Variants in RTTN observed in about 807,000 individuals in gnomAD.
RTTN encodes the protein rotatin.
A neutral mutation model predicts 269.2 loss-of-function variants in RTTN; 182 were observed. The observed-to-expected ratio is 0.68, with a 90% CI of 0.60 to 0.76. RTTN has a LOEUF of 0.76. Ranked by LOEUF, RTTN falls within the 30% of genes least tolerant of loss-of-function variation. RTTN has a pLI of 0.00. For synonymous variants in RTTN, 1,006 were observed against 963.5 expected, an observed-to-expected ratio of 1.04 and a Z score of -0.82; for missense variants, 2,545 against 2,608.6, an observed-to-expected ratio of 0.98 and a Z score of 0.53.
At chr18:70,184,702 G>T (rs2061493852) in intron 10 of RTTN, among the ~76,000 whole-genome samples, 3 of 13,718 alleles carry the variant, frequency 2.2e-4, no homozygotes, top group Non-Finnish European at 1.0e-3. Context: ...AACCACAGCA[G>T]GTTTTTTTTT....
chr18:70,170,314 G>A (rs547573008), intron 11 of RTTN, among the ~76,000 whole-genome samples: 2 of 152,304 alleles, frequency 1.3e-5, no homozygotes, highest in South Asian at 4.1e-4. Flanking sequence ...ACATCCCACT[G>A]AAGAAAGTAG....
chr18:70,120,796 A>G (rs2059715620), intron 26 of RTTN, among the ~76,000 whole-genome samples: 1 of 152,156 alleles, frequency 6.6e-6, no homozygotes, highest in African/African-American at 2.4e-5. Context: ...CACGCCTGTA[A>G]TCCCAGCACT....
At chr18:70,058,453 G>A (rs932084561) in intron 36 of RTTN, among the ~76,000 whole-genome samples, 1 of 152,164 alleles carries the variant, frequency 6.6e-6, no homozygotes, top group Non-Finnish European at 1.5e-5. Context: ...AGGAGGCGGA[G>A]GTTGCAGTGA....
intron 1 of RTTN, 74 bp from the exon 2 acceptor site, chr18:70,205,389 A>C: frequency 6.4e-7 from 1 of 1,569,898 alleles, no homozygotes; most frequent in Admixed American, 1.7e-5. Flanking sequence ...TGTGGGCAGG[A>C]GCGGCGTGAA....
intron 30 of RTTN, among the ~76,000 whole-genome samples, chr18:70,089,082 CTCTTTTA>C (rs2058775303): frequency 2.0e-5 from 3 of 151,964 alleles, no homozygotes. Context: ...ATAACCTTTT[CTCTTTTA>C]TATTTTCAAT....
In RTTN at chr18:70,205,110, A is replaced by G. The variant is rs765738432; in HGVS notation, c.219+18T>C. On this transcript the variant is annotated intron_variant, in intron 2 of 48. Transcript: ENST00000640769. ...AGTCACTCGTCTGATTATTTTCTTT[A>G]TTTCAAAATGACCCTACCTTAACCA... is the stretch of plus-strand genomic sequence containing the variant. 2 of 1,603,598 alleles carry G rather than the reference A, an allele frequency of 1.2e-6. No individual in the cohort carries two copies. Among genetic ancestry groups the G allele is most frequent in the Non-Finnish European group, 1.7e-6 (2 of 1,173,432 alleles).
At chr18:70,131,801 A>G (rs1027745617) in intron 23 of RTTN, 2 of 152,010 alleles carry the variant, frequency 1.3e-5, no homozygotes, top group Non-Finnish European at 2.9e-5. Context: ...GAAAAAAACC[A>G]CATTGGACAA....
chr18:70,202,055 T>G, intron 3 of RTTN, 72 bp from the exon 4 acceptor site: 1 of 851,106 alleles, frequency 1.2e-6, no homozygotes, highest in Non-Finnish European at 1.9e-6. Context: ...TTTCTTTAAG[T>G]GGTAATGTTT....
Position 70,127,538 on chromosome 18 carries a change from G to A in RTTN, c.3347C>T (p.Thr1116Ile), listed in dbSNP as rs749040645. ...GGTGTGCCAAGCCAAGGACTTCAAG[G>A]TAACCCCACATGGACCAGGGCAACC... ...LKGCPGPCGV[T>I]LKSLAWHTAL... The change falls in exon 25 of 49, where the codon ACC becomes ATC. Residue 1116 changes from threonine to isoleucine, a missense_variant. By Grantham distance (89) the Thr-to-Ile change is moderately conservative. Transcript: ENST00000640769. 1 of 1,613,470 alleles carries A rather than the reference G, an allele frequency of 6.2e-7. No individual in the cohort carries two copies. Among genetic ancestry groups the A allele is most frequent in the Non-Finnish European group, 8.5e-7 (1 of 1,179,690 alleles).
In RTTN at chr18:70,166,105, C is replaced by T. The variant is rs1188533344; in HGVS notation, c.1886G>A (p.Arg629Gln). 3 of 1,613,648 alleles carry T rather than the reference C, an allele frequency of 1.9e-6. No individual in the cohort carries two copies. Among genetic ancestry groups the T allele is most frequent in the African/African-American group, 1.3e-5 (1 of 74,924 alleles). Residue 629 changes from arginine (R) to glutamine (Q), a missense_variant, in exon 14 of 49, where the codon CGA (arginine) becomes CAA (glutamine). Arg to Gln is a conservative substitution (Grantham distance 43). Coordinates refer to ENST00000640769, the MANE Select transcript of RTTN (RefSeq NM_173630.4). Reference protein sequence around the residue: ...LLHMLSHPLPRVKAETYHCCL... With the variant: ...LLHMLSHPLPQVKAETYHCCL... ...GCAGTGGTAAGTTTCAGCTTTCACT[C>T]GTGGCAATGGGTGAGACAACATATG... is the stretch of plus-strand genomic sequence containing the variant.
At chr18:70,134,885 A>T (rs951494641) in intron 22 of RTTN, among the ~76,000 whole-genome samples, 1 of 152,188 alleles carries the variant, frequency 6.6e-6, no homozygotes, top group Non-Finnish European at 1.5e-5. Context: ...AAATCATGAA[A>T]TATTAAGAAA....
chr18:70,017,232 G>A (rs1481966793), intron 46 of RTTN, among the ~76,000 whole-genome samples, 175 bp downstream of exon 46: 1 of 152,120 alleles, frequency 6.6e-6, no homozygotes. Context: ...GAGACTCCTG[G>A]AAGCCCACGG....
At chr18:70,203,905 T>C (rs550968836) in intron 3 of RTTN, among the ~76,000 whole-genome samples, 181 bp downstream of exon 3, 6 of 152,230 alleles carry the variant, frequency 3.9e-5, no homozygotes, top group South Asian at 2.1e-4. Flanking sequence ...TTAATGCAAA[T>C]GTACCATCCT....
intron 46 of RTTN, among the ~76,000 whole-genome samples, chr18:70,012,081 C>G (rs113026641): frequency 1.0e-4 from 8 of 80,236 alleles, no homozygotes; most frequent in African/African-American, 2.2e-4. Context: ...GTATTGGTTA[C>G]AGGGCAGCAT....
chr18:70,121,227 T>A (rs1296011837), intron 26 of RTTN, among the ~76,000 whole-genome samples: 1 of 152,056 alleles, frequency 6.6e-6, no homozygotes, highest in African/African-American at 2.4e-5. Context: ...GTTAGCTAAC[T>A]CTCAACATGC....
intron 9 of RTTN, among the ~76,000 whole-genome samples, chr18:70,188,526 A>G (rs1385548482): frequency 6.6e-6 from 1 of 152,222 alleles, no homozygotes; most frequent in Non-Finnish European, 1.5e-5. Context: ...GAATTTAGGG[A>G]CCATCCATTT....
intron 40 of RTTN, among the ~76,000 whole-genome samples, chr18:70,045,536 T>C (rs1225627477): frequency 6.6e-6 from 1 of 152,238 alleles, no homozygotes; most frequent in African/African-American, 2.4e-5. Context: ...TTATTACTTA[T>C]CAAAACGTGT....
At chr18:70,133,847 C>T (rs74690208) in intron 23 of RTTN, among the ~76,000 whole-genome samples, 2,940 of 151,902 alleles carry the variant, frequency 0.019, 54 homozygotes, top group Non-Finnish European at 0.023. Flanking sequence ...GCTTTATGTA[C>T]GATATATGTC....
At position 70,157,072 on chromosome 18, in the gene RTTN, C is replaced by G. The variant is rs565953300; in HGVS notation, c.1930-6339G>C. On this transcript the variant is annotated intron_variant, in intron 14 of 48. Transcript: ENST00000640769. ...AGCGCTTTTGCAAGCACACACCCACCCACAGCCAATACCTACTGGTGTGCA... is the reference window on the plus strand; with the variant it reads ...AGCGCTTTTGCAAGCACACACCCACGCACAGCCAATACCTACTGGTGTGCA... Among the ~76,000 whole-genome samples, 6 of 152,306 alleles carry G rather than the reference C, an allele frequency of 3.9e-5. No individual in the cohort carries two copies. The East Asian group carries it at 7.7e-4, about 20-fold the overall frequency.
Sources: gnomAD v4.1 joint callset for allele counts (sites outside exome capture counted in the v4.1 genomes callset) on GRCh38, gnomAD v4.1.1 for gene constraint, MANE v1.5 for transcripts, NCBI Gene and HGNC (gene_info 2026-07-23, HGNC 2026-07-21) for gene names.